PRKAG2: variants seen among roughly 807,000 people sequenced by gnomAD.
PRKAG2 encodes the protein protein kinase AMP-activated non-catalytic subunit gamma 2, also known as 5'-AMP-activated protein kinase subunit gamma-2.
A neutral mutation model predicts 69.6 loss-of-function variants in PRKAG2; 26 were observed. That is an observed-to-expected ratio of 0.37 (90% CI 0.27 to 0.52). The LOEUF is 0.52. Ranked by LOEUF, PRKAG2 falls within the 20% of genes least tolerant of loss-of-function variation. The pLI is 0.90. For missense variants in PRKAG2, 557 were observed against 740.0 expected (o/e 0.75, Z 2.87); for synonymous variants, 293 against 285.0 (o/e 1.03, Z -0.28).
intron 1 of PRKAG2, among the ~76,000 whole-genome samples, chr7:151,874,109 G>GTATATGTATATGTATATGATGTATATGTA (rs1226202767): frequency 1.4e-5 from 2 of 141,110 alleles, no homozygotes; most frequent in Non-Finnish European, 3.0e-5. Flanking sequence ...TGTATATGAT[G>GTATATGTATATGTATATGATGTATATGTA]TATATGTATA....
At chr7:151,794,531 C>G (rs1043713606) in intron 1 of PRKAG2, among the ~76,000 whole-genome samples, 1 of 152,244 alleles carries the variant, frequency 6.6e-6, no homozygotes, top group African/African-American at 2.4e-5. Context: ...GGCCGCTGGC[C>G]GAGGGCACAC....
chr7:151,573,333 G>GTTTTTT (rs57854174), intron 8 of PRKAG2, among the ~76,000 whole-genome samples: 3 of 82,836 alleles, frequency 3.6e-5, no homozygotes, highest in African/African-American at 5.2e-5. Flanking sequence ...ATTTTTGTGG[G>GTTTTTT]TTTTTTTTTT....
intron 3 of PRKAG2, among the ~76,000 whole-genome samples, chr7:151,759,306 C>T (rs1224517676): frequency 6.6e-6 from 1 of 152,208 alleles, no homozygotes; most frequent in Non-Finnish European, 1.5e-5. Flanking sequence ...GAGGCTATTG[C>T]TGACTTGCCC....
intron 1 of PRKAG2, among the ~76,000 whole-genome samples, chr7:151,855,059 CCA>C (rs1303847611): frequency 2.1e-5 from 1 of 46,660 alleles, no homozygotes; most frequent in African/African-American, 1.1e-4. Flanking sequence ...TCCACACACA[CCA>C]TCCTCCACAC....
rs1554539876 is a variant in PRKAG2 at position 151,688,047 on chromosome 7, C to CCCCG, written c.467-12411_467-12410insCGGG. Among the ~76,000 whole-genome samples, 9 of 143,086 alleles carry CCCCG rather than the reference C, an allele frequency of 6.3e-5. 1 individual carries two copies. The highest frequency in any genetic ancestry group is 2.0e-4 in the African/African-American group (8 of 39,142). 93.9% of individuals were successfully genotyped at this position (143,086 alleles called of 152,430 possible). A position where few individuals can be genotyped will look rare whatever the true frequency, so the allele number is the denominator to read the frequency against. On this transcript the variant is annotated intron_variant, in intron 3 of 15. Transcript: ENST00000287878. ...GAGGAGGAGGAGGAAATGAGGCCCC[C>CCCCG]CCCCGGGCTCCTTGCTGAGTCAGCA...
chr7:151,861,095 G>A (rs1586739335), intron 1 of PRKAG2, among the ~76,000 whole-genome samples: 1 of 152,188 alleles, frequency 6.6e-6, no homozygotes, highest in Non-Finnish European at 1.5e-5. Context: ...CAGCCCTGGG[G>A]GCTCAAGCTG....
At chr7:151,709,327 TTGAG>T (rs771448090) in intron 3 of PRKAG2, among the ~76,000 whole-genome samples, 9 of 151,792 alleles carry the variant, frequency 5.9e-5, no homozygotes, top group African/African-American at 1.7e-4. Context: ...ACGTGTGACA[TTGAG>T]TGACGTGTGA....
intron 1 of PRKAG2, among the ~76,000 whole-genome samples, chr7:151,832,336 C>T (rs1185306022): frequency 6.6e-6 from 1 of 151,844 alleles, no homozygotes; most frequent in Non-Finnish European, 1.5e-5. Context: ...TTGTGGACAC[C>T]AGTTCACACC....
chr7:151,848,084 A>C (rs2079478262), intron 1 of PRKAG2, among the ~76,000 whole-genome samples: 1 of 152,244 alleles, frequency 6.6e-6, no homozygotes, highest in African/African-American at 2.4e-5. Flanking sequence ...TGCAGAGACG[A>C]GGCTGAGGAC....
chr7:151,617,654 C>A (rs1207861445), intron 5 of PRKAG2, among the ~76,000 whole-genome samples: 6 of 151,480 alleles, frequency 4.0e-5, no homozygotes, highest in East Asian at 1.9e-4. Context: ...AGAAAAAAAC[C>A]CCCATATTCA....
intron 5 of PRKAG2, among the ~76,000 whole-genome samples, chr7:151,624,567 G>T (rs1822400870): frequency 6.6e-6 from 1 of 152,154 alleles, no homozygotes; most frequent in African/African-American, 2.4e-5. Flanking sequence ...ACCTGGCTCT[G>T]TTCCCCCTAA....
chr7:151,557,192 T>C lies in PRKAG2; in HGVS notation c.*9A>G. 6.2e-7 allele frequency: 1 copy of C among 1,614,166 alleles called. No individual in the cohort carries two copies. The highest frequency in any genetic ancestry group is 8.5e-7 in the Non-Finnish European group (1 of 1,180,018). On this transcript the variant is annotated 3_prime_UTR_variant, in exon 16 of 16. Transcript: ENST00000287878. Reference sequence around the variant, plus strand: ...AGTTCTCCTCCTAGGGCGTCTACATTCACGGCGGTCACTCCGTTTCTGTCT... The same window carrying C: ...AGTTCTCCTCCTAGGGCGTCTACATCCACGGCGGTCACTCCGTTTCTGTCT...
Position 151,565,492 on chromosome 7 carries a change from C to T in PRKAG2, c.1400-109G>A, listed in dbSNP as rs956709653. The T allele has an allele frequency of 3.1e-6, 3 of 974,168 alleles. No homozygotes were observed. In the African/African-American group the frequency reaches 5.0e-5, roughly 16 times the overall value. The allele number at this position is 974,168 out of a possible 1,614,324, so 60.3% of individuals were successfully genotyped here. On this transcript the variant is annotated intron_variant, in intron 12 of 15. Transcript: ENST00000287878. ...CTAAAAGTTAAACACTGATAAATAACCTTGTCTATTTTAAATGAAAACTTA... is the reference window on the plus strand; with the variant it reads ...CTAAAAGTTAAACACTGATAAATAATCTTGTCTATTTTAAATGAAAACTTA...
intron 5 of PRKAG2, among the ~76,000 whole-genome samples, chr7:151,602,046 C>G (rs528447254): frequency 6.8e-4 from 103 of 152,370 alleles, no homozygotes; most frequent in African/African-American, 2.4e-3. Context: ...CCTGAAACAG[C>G]AAGCTCTCAT....
chr7:151,868,091 A>G (rs895361205), intron 1 of PRKAG2, among the ~76,000 whole-genome samples: 6 of 152,218 alleles, frequency 3.9e-5, no homozygotes, highest in African/African-American at 1.4e-4. Flanking sequence ...AGAGTATATC[A>G]AAACACAGAG....
intron 3 of PRKAG2, among the ~76,000 whole-genome samples, chr7:151,723,500 C>T (rs908570260): frequency 1.3e-5 from 2 of 152,232 alleles, no homozygotes; most frequent in African/African-American, 4.8e-5. Context: ...CTAGGTCACG[C>T]GGCCCACCCC....
chr7:151,562,244 CAAAAAAAAAAA>C (rs575674668), intron 14 of PRKAG2, among the ~76,000 whole-genome samples: 8 of 38,476 alleles, frequency 2.1e-4, no homozygotes, highest in Admixed American at 1.5e-3. Flanking sequence ...GACTTTGTCT[CAAAAAAAAAAA>C]AAAAAAAAAA....
Position 151,638,978 on chromosome 7 carries a change from G to A in PRKAG2, c.685-6840C>T, listed in dbSNP as rs1158130642. Among the ~76,000 whole-genome samples, 1 of 152,104 alleles carries A rather than the reference G, an allele frequency of 6.6e-6. No individual in the cohort carries two copies. Among genetic ancestry groups the A allele is most frequent in the Non-Finnish European group, 1.5e-5 (1 of 68,022 alleles). On this transcript the variant is annotated intron_variant, in intron 4 of 15. Transcript: ENST00000287878. This position sits in a 1 kb window ranked among gnomAD's most constrained non-coding sequence, Gnocchi z 4.3. ...GGGCGTCCTCCAAAGAGTAAAGAACGACGTGAAACCCCCTGGATGCTGGAC... is the reference window on the plus strand; with the variant it reads ...GGGCGTCCTCCAAAGAGTAAAGAACAACGTGAAACCCCCTGGATGCTGGAC...
At chr7:151,816,107 G>A (rs931444392) in intron 1 of PRKAG2, among the ~76,000 whole-genome samples, 5 of 152,284 alleles carry the variant, frequency 3.3e-5, no homozygotes, top group East Asian at 1.9e-4. Context: ...ACAAAAAGGC[G>A]GCTGAGTCAG....
Sources: allele counts gnomAD v4.1 joint callset (sites outside exome capture counted in the v4.1 genomes callset), GRCh38; gene constraint gnomAD v4.1.1; non-coding constraint Gnocchi (gnomAD v3.1); transcripts MANE v1.5; gene names NCBI Gene and HGNC (gene_info 2026-07-23, HGNC 2026-07-21).